The following PCDHGA5 variants were observed in gnomAD, a reference collection of about 807,000 sequenced individuals.
PCDHGA5 encodes the protein protocadherin gamma subfamily A, 5.
In PCDHGA5, 36 loss-of-function variants were observed where a neutral mutation model predicts 56.7. The observed-to-expected ratio is 0.64, with a 90% CI of 0.49 to 0.84. The LOEUF is 0.84. Among genes scored for constraint, PCDHGA5 ranks in the 40% least tolerant of loss-of-function variants. The pLI, the probability that PCDHGA5 is intolerant of heterozygous loss-of-function variation, is 0.00. For missense variants in PCDHGA5, 1,305 were observed against 1,201.5 expected, an observed-to-expected ratio of 1.09 and a Z score of -1.27; for synonymous variants, 563 against 520.2, an observed-to-expected ratio of 1.08 and a Z score of -1.12.
Position 141,366,265 on chromosome 5 carries a change from C to T in PCDHGA5, c.1935C>T (p.Ala645=), listed in dbSNP as rs756734800. 2 of 1,613,684 alleles carry T rather than the reference C, an allele frequency of 1.2e-6. No homozygotes were observed. Among genetic ancestry groups the T allele is most frequent in the Non-Finnish European group, 1.7e-6 (2 of 1,180,018 alleles). The change falls in exon 1 of 4, where the codon GCC becomes GCT. Residue 645 remains alanine (A), a synonymous_variant. Coordinates refer to ENST00000518069, the MANE Select transcript of PCDHGA5 (RefSeq NM_018918.3). Reference sequence around the variant, plus strand: ...CGCTCAAGCAGAGCCTCGTGGTGGCCGTCGAAGACCATGGCCAGCCCCCTC... The same window carrying T: ...CGCTCAAGCAGAGCCTCGTGGTGGCTGTCGAAGACCATGGCCAGCCCCCTC... ...RDALKQSLVV[A]VEDHGQPPLS...
chr5:141,399,751 G>A (rs564705346), intron 1 of PCDHGA5: 3 of 1,613,322 alleles, frequency 1.9e-6, no homozygotes, highest in Admixed American at 3.3e-5. Context: ...CAGCGCAAAC[G>A]TGAGCCTGCG....
At chr5:141,415,046 G>C in intron 1 of PCDHGA5, 1 of 1,613,468 alleles carries the variant, frequency 6.2e-7, no homozygotes, top group Non-Finnish European at 8.5e-7. Context: ...TTCGCGGTGG[G>C]GGAGCACACG....
chr5:141,458,367 G>A (rs1297876142), intron 1 of PCDHGA5, among the ~76,000 whole-genome samples: 2 of 152,130 alleles, frequency 1.3e-5, no homozygotes, highest in African/African-American at 2.4e-5. Context: ...AGAAGGAAGG[G>A]AGAAGAGAGA....
intron 1 of PCDHGA5, chr5:141,372,557 C>A: frequency 6.2e-7 from 1 of 1,614,048 alleles, no homozygotes; most frequent in Non-Finnish European, 8.5e-7. Flanking sequence ...CCTCCAGACC[C>A]GCCACTGAGG....
rs181397365 is a variant in PCDHGA5, at chr5:141,481,810, G to A, written c.2422-12997G>A. Among the ~76,000 whole-genome samples, 99 of 151,944 alleles carry A rather than the reference G, an allele frequency of 6.5e-4. 1 individual carries two copies. The highest frequency in any genetic ancestry group is 2.4e-3 in the African/African-American group (98 of 41,418). On this transcript the variant is annotated intron_variant, in intron 1 of 3. Transcript: ENST00000518069. ...CTACTAAAAATACAAAAATTCACCA[G>A]GCGTGGTGGCTGAGGCAGGAGAATC...
intron 1 of PCDHGA5, chr5:141,394,142 A>G (rs751602442): frequency 6.2e-7 from 1 of 1,613,996 alleles, no homozygotes; most frequent in Non-Finnish European, 8.5e-7. Flanking sequence ...TGCACGTGGC[A>G]GACATTAACG....
chr5:141,371,147 T>G (rs1383396635), intron 1 of PCDHGA5: 1 of 1,614,026 alleles, frequency 6.2e-7, no homozygotes, highest in South Asian at 1.1e-5. Context: ...GGGTCAATGT[T>G]GCAGAGAACC....
At chr5:141,458,984 C>T (rs2098958355) in intron 1 of PCDHGA5, among the ~76,000 whole-genome samples, 1 of 152,204 alleles carries the variant, frequency 6.6e-6, no homozygotes, top group Non-Finnish European at 1.5e-5. Context: ...CCTCCTGCCT[C>T]ACCCTCCCAA....
At chr5:141,508,835 C>T (rs1190105775) in intron 3 of PCDHGA5, among the ~76,000 whole-genome samples, 12 of 152,158 alleles carry the variant, frequency 7.9e-5, no homozygotes, top group African/African-American at 2.9e-4. Flanking sequence ...CCCCCCTCCC[C>T]TACCCCTTCC....
intron 1 of PCDHGA5, chr5:141,375,438 T>TC: frequency 1.2e-6 from 2 of 1,613,806 alleles, no homozygotes; most frequent in African/African-American, 1.3e-5. Flanking sequence ...CCGCCCACCT[T>TC]CCCCCATTCA....
chr5:141,435,792 A>G (rs2097780110), intron 1 of PCDHGA5, among the ~76,000 whole-genome samples: 1 of 152,074 alleles, frequency 6.6e-6, no homozygotes, highest in South Asian at 2.1e-4. Context: ...AGGGAAACAT[A>G]ACGTCCCAAT....
intron 1 of PCDHGA5, chr5:141,389,665 C>A (rs1258802999): frequency 6.2e-7 from 1 of 1,612,414 alleles, no homozygotes; most frequent in East Asian, 2.2e-5. Context: ...GCGGTGGACG[C>A]AGACTCAGGA....
intron 1 of PCDHGA5, among the ~76,000 whole-genome samples, chr5:141,369,676 A>T (rs1172722090): frequency 6.6e-6 from 1 of 152,246 alleles, no homozygotes; most frequent in Non-Finnish European, 1.5e-5. Context: ...GAAGAAAGTG[A>T]AACATAGAAT....
chr5:141,496,467 T>A (rs1334392771), intron 2 of PCDHGA5, among the ~76,000 whole-genome samples: 1 of 152,056 alleles, frequency 6.6e-6, no homozygotes, highest in Non-Finnish European at 1.5e-5. Context: ...GAGTTATCTT[T>A]CCCCCATCCT....
intron 1 of PCDHGA5, chr5:141,375,643 C>A (rs1443985601): frequency 6.2e-7 from 1 of 1,614,210 alleles, no homozygotes; most frequent in Non-Finnish European, 8.5e-7. Context: ...TGCGCTCCTT[C>A]GACTATGAGC....
intron 1 of PCDHGA5, among the ~76,000 whole-genome samples, chr5:141,451,493 T>C (rs1554137340): frequency 2.0e-5 from 3 of 152,230 alleles, no homozygotes; most frequent in Admixed American, 2.0e-4. Context: ...TGGACCTCCA[T>C]AGGGCAACCA....
At position 141,491,904 on chromosome 5, in the gene PCDHGA5, G is replaced by C; in HGVS notation, c.2422-2903G>C. The C allele has an allele frequency of 7.0e-7, 1 of 1,423,838 alleles. No individual in the cohort carries two copies. The allele number at this position is 1,423,838 out of a possible 1,614,324, so 88.2% of individuals were successfully genotyped here. ...GGATGGGGCTCCGAGCACCGGGGGT[G>C]GTGGCGACTGTGGGCGAGGGGAGGT... On this transcript the variant is annotated intron_variant, in intron 1 of 3. Coordinates refer to ENST00000518069, the MANE Select transcript of PCDHGA5 (RefSeq NM_018918.3). This position sits in a 1 kb window ranked among gnomAD's most constrained non-coding sequence, Gnocchi z 6.9.
chr5:141,427,213 G>A (rs566924176), intron 1 of PCDHGA5: 3 of 456,706 alleles, frequency 6.6e-6, no homozygotes, highest in East Asian at 6.9e-5. Context: ...TTCGAATTTC[G>A]TAGCAGTTAT....
Position 141,366,757 on chromosome 5 carries a change from T to C in PCDHGA5, c.2421+6T>C. On this transcript the variant is annotated splice_donor_region_variant and intron_variant, in intron 1 of 3. Transcript: ENST00000518069. ...AAGAAGAACGGCGAGTTCAGGTTAGTTTTCTCTTTCGGTAAGGATGACCAG... is the reference window on the plus strand; with the variant it reads ...AAGAAGAACGGCGAGTTCAGGTTAGCTTTCTCTTTCGGTAAGGATGACCAG... 6.2e-7 allele frequency: 1 copy of C among 1,606,518 alleles called. No individual in the cohort carries two copies. The highest frequency in any genetic ancestry group is 1.3e-5 in the African/African-American group (1 of 74,798).
Sources: gnomAD v4.1 joint callset for allele counts (sites outside exome capture counted in the v4.1 genomes callset) on GRCh38, gnomAD v4.1.1 for gene constraint, Gnocchi (gnomAD v3.1) non-coding constraint, MANE v1.5 for transcripts, NCBI Gene and HGNC (gene_info 2026-07-23, HGNC 2026-07-21) for gene names.